CCNB3: variants seen among roughly 807,000 people sequenced by gnomAD.
CCNB3 encodes the protein G2/mitotic-specific cyclin-B3.
Under a neutral mutation model 68.0 loss-of-function variants are expected in CCNB3, and 12 were observed. The ratio of observed to expected loss-of-function variants is 0.18; its 90% confidence interval spans 0.11 to 0.29. The LOEUF is 0.29. Ranked by LOEUF, CCNB3 falls within the 10% of genes least tolerant of loss-of-function variation. CCNB3 has a pLI of 1.00. For synonymous variants in CCNB3, 354 were observed against 388.9 expected, an observed-to-expected ratio of 0.91 and a Z score of 1.06; for missense variants, 904 against 993.1, an observed-to-expected ratio of 0.91 and a Z score of 1.21.
chrX:50,349,913 T>C (rs1344308662), intron 11 of CCNB3, among the ~76,000 whole-genome samples: 1 of 111,760 alleles, frequency 8.9e-6, no homozygotes, highest in Non-Finnish European at 1.9e-5. Flanking sequence ...TCTTCCTTTC[T>C]CTGTCTGTTG....
At chrX:50,285,010 C>A in intron 2 of CCNB3, 117 bp from the exon 3 acceptor site, 1 of 446,525 alleles carries the variant, frequency 2.2e-6, no homozygotes, top group South Asian at 3.4e-5. Context: ...ATCTTCCCAA[C>A]ATCAAAATCT....
At chrX:50,210,606 A>G (rs1935467557) in intron 1 of CCNB3, among the ~76,000 whole-genome samples, 1 of 111,209 alleles carries the variant, frequency 9.0e-6, no homozygotes, top group Non-Finnish European at 1.9e-5. Flanking sequence ...TTACGAGAAT[A>G]TATTCATTTA....
chrX:50,213,897 T>C (rs1353497739), intron 1 of CCNB3, among the ~76,000 whole-genome samples: 2 of 111,758 alleles, frequency 1.8e-5, no homozygotes, highest in Non-Finnish European at 3.8e-5. Context: ...ATAATTGATA[T>C]ATTAATACAA....
chrX:50,226,398 TA>T (rs1361562239), intron 1 of CCNB3, among the ~76,000 whole-genome samples: 8 of 33,324 alleles, frequency 2.4e-4, no homozygotes, highest in East Asian at 1.8e-3. Flanking sequence ...AGAATATATA[TA>T]AAAATATATA....
intron 1 of CCNB3, among the ~76,000 whole-genome samples, chrX:50,227,095 T>G (rs1294983089): frequency 2.5e-5 from 2 of 80,610 alleles, no homozygotes; most frequent in Non-Finnish European, 4.4e-5. Flanking sequence ...TATAAATATA[T>G]AGAATATACA....
rs147432520 is a variant in CCNB3 at position 50,342,276 on chromosome X, A to G, written c.3591A>G (p.Val1197=). Residue 1197 remains valine (V), a synonymous_variant, in exon 9 of 13, where the codon GTA becomes GTG. Coordinates refer to ENST00000376042, the MANE Select transcript of CCNB3 (RefSeq NM_033031.3). ...TGGATCTCTACCTAATGAAGGCAGT[A>G]TGCAAGAAGGATAAGTTACAACTCC... The part of the protein sequence containing the change: ...KLVDLYLMKA[V]CKKDKLQLLG... 1.7e-6 allele frequency: 2 copies of G among 1,208,689 alleles called. No homozygotes were observed. The highest frequency in any genetic ancestry group is 1.1e-6 in the Non-Finnish European group (1 of 894,213).
intron 8 of CCNB3, among the ~76,000 whole-genome samples, chrX:50,338,044 A>G (rs1922941409): frequency 8.9e-6 from 1 of 111,982 alleles, no homozygotes. Flanking sequence ...GTGTTCAGCC[A>G]CTGCATTGAT....
chrX:50,321,586 A>G (rs958597208), intron 8 of CCNB3, among the ~76,000 whole-genome samples: 1 of 111,313 alleles, frequency 9.0e-6, no homozygotes, highest in Admixed American at 9.6e-5. Context: ...AGTCTTTCCA[A>G]TTCTCTTCCA....
In CCNB3 at chrX:50,308,827, G is replaced by A; in HGVS notation, c.658G>A (p.Glu220Lys). The part of the protein sequence containing the change: ...PMTFKKTHKT[E>K]EAAITKKTLS... ...GACTTTTAAGAAGACACATAAAACT[G>A]AGGAGGCAGCCATCACCAAGAAGAC... is the stretch of plus-strand genomic sequence containing the variant. Residue 220 changes from glutamate (E) to lysine (K), a missense_variant, in exon 6 of 13, where the codon GAG becomes AAG. By Grantham distance (56) the Glu-to-Lys change is moderately conservative (BLOSUM62 1). Transcript: ENST00000376042. 1 of 1,211,613 alleles carries A rather than the reference G, an allele frequency of 8.3e-7. No individual in the cohort carries two copies. Among genetic ancestry groups the A allele is most frequent in the Non-Finnish European group, 1.1e-6 (1 of 895,452 alleles).
rs782482934 is a variant in CCNB3 at position 50,309,268 on chromosome X, T to G, written c.1099T>G (p.Leu367Val). ...AGAGGATTCCCTTGTTAAGGAGTCGTTAGCCTTTAAGAAGAAGCCTAGCAC... is the reference window on the plus strand; with the variant it reads ...AGAGGATTCCCTTGTTAAGGAGTCGGTAGCCTTTAAGAAGAAGCCTAGCAC... ...FKEDSLVKES[L>V]AFKKKPSTEE... The change falls in exon 6 of 13, where the codon TTA (leucine) becomes GTA (valine). Residue 367 changes from leucine (L) to valine (V), a missense_variant. Physicochemically the swap from Leu to Val is conservative, Grantham distance 32. Transcript: ENST00000376042. 8.3e-7 allele frequency: 1 copy of G among 1,211,183 alleles called. No individual in the cohort carries two copies. Among genetic ancestry groups the G allele is most frequent in the Admixed American group, 2.2e-5 (1 of 45,972 alleles).
intron 10 of CCNB3, 113 bp from the exon 11 acceptor site, chrX:50,347,513 T>C (rs1370203765): frequency 1.5e-6 from 1 of 681,032 alleles, no homozygotes. Context: ...GAAAGGCACA[T>C]TACTCAAACA....
At position 50,319,868 on chromosome X, in the gene CCNB3, GA is replaced by G. The variant is rs1301945189; in HGVS notation, c.3516+5921del. 4.5e-5 allele frequency among the ~76,000 whole-genome samples: 5 copies of G among 111,278 alleles called. 1 individual carries two copies. In the East Asian group the frequency reaches 1.4e-3, roughly 31 times the overall value. On this transcript the variant is annotated intron_variant, in intron 8 of 12. Coordinates refer to ENST00000376042, the MANE Select transcript of CCNB3 (RefSeq NM_033031.3). Reference sequence around the variant, plus strand: ...CAAATGCTTTTTTCCTGCATCTATTGATTTTTTTTTGTTTTAGCCTAATATA... The same window carrying G: ...CAAATGCTTTTTTCCTGCATCTATTGTTTTTTTTTGTTTTAGCCTAATATA...
chrX:50,347,858 C>T, intron 11 of CCNB3, 83 bp downstream of exon 11: 1 of 975,437 alleles, frequency 1.0e-6, no homozygotes, highest in Non-Finnish European at 1.4e-6. Context: ...AAATTAAGGC[C>T]ACGGGAAACT....
At chrX:50,322,468 T>C (rs370545813) in intron 8 of CCNB3, among the ~76,000 whole-genome samples, 175 of 110,969 alleles carry the variant, frequency 1.6e-3, no homozygotes, top group Non-Finnish European at 2.7e-3. Context: ...CCATAAAAAC[T>C]CTAGAAGAAA....
chrX:50,219,408 T>TA (rs1263410549), intron 1 of CCNB3, among the ~76,000 whole-genome samples: 2 of 111,432 alleles, frequency 1.8e-5, no homozygotes, highest in Non-Finnish European at 3.8e-5. Flanking sequence ...TTTTAGGTCT[T>TA]ACGTTTAAGT....
chrX:50,227,860 G>A (rs1170933793), intron 1 of CCNB3, among the ~76,000 whole-genome samples: 1 of 68,034 alleles, frequency 1.5e-5, no homozygotes, highest in African/African-American at 5.8e-5. Context: ...AAATATATAT[G>A]GAGAATATAT....
chrX:50,209,403 T>C (rs1200809451), intron 1 of CCNB3, among the ~76,000 whole-genome samples: 1 of 111,015 alleles, frequency 9.0e-6, no homozygotes, highest in Non-Finnish European at 1.9e-5. Context: ...TCACCCAGAC[T>C]GGGGTGCAGT....
intron 7 of CCNB3, 136 bp from the exon 8 acceptor site, chrX:50,313,720 A>G (rs1921584298): frequency 4.7e-6 from 2 of 429,557 alleles, no homozygotes; most frequent in Non-Finnish European, 8.0e-6. Context: ...CTGGAAAAGG[A>G]TACTTTGATC....
chrX:50,346,710 G>A lies in CCNB3; in HGVS notation c.3713G>A (p.Arg1238Gln), dbSNP rs1447299051. The change falls in exon 10 of 13, where the codon CGA becomes CAA. Residue 1238 changes from arginine (R) to glutamine (Q), a missense_variant. Arg to Gln is a conservative substitution (Grantham distance 43). Around this residue, in one of 2 missense-constraint regions of CCNB3, gnomAD observed 285 missense variants for 383.4 expected, o/e 0.74. Transcript: ENST00000376042. ...TACATCTGTGATGATAATTATCAGC[G>A]ATCTGAGGTACTCAGCATGGAAATC... ...FVYICDDNYQ[R>Q]SEVLSMEINI... 1.7e-6 allele frequency: 2 copies of A among 1,209,121 alleles called. No homozygotes were observed. Among genetic ancestry groups the A allele is most frequent in the Non-Finnish European group, 2.2e-6 (2 of 894,411 alleles).
Sources: gnomAD v4.1 joint callset for allele counts (sites outside exome capture counted in the v4.1 genomes callset) on GRCh38, gnomAD v4.1.1 for gene constraint, gnomAD v4.1.1 regional missense constraint, MANE v1.5 for transcripts, NCBI Gene and HGNC (gene_info 2026-07-23, HGNC 2026-07-21) for gene names.